EIF3H: variants seen among roughly 807,000 people sequenced by gnomAD.
EIF3H encodes eukaryotic translation initiation factor 3 subunit H.
A neutral mutation model predicts 44.2 loss-of-function variants in EIF3H; 26 were observed. That is an observed-to-expected ratio of 0.59 (90% confidence interval 0.43 to 0.82). The LOEUF is 0.82. Among genes scored for constraint, EIF3H ranks in the 40% least tolerant of loss-of-function variants. The pLI, the probability that EIF3H is intolerant of heterozygous loss-of-function variation, is 0.00. For missense variants in EIF3H, 359 were observed against 432.8 expected (o/e 0.83, Z 1.51); for synonymous variants, 166 against 151.9 (o/e 1.09, Z -0.68).
At chr8:116,653,107 T>C (rs1228459312) in intron 5 of EIF3H, among the ~76,000 whole-genome samples, 2 of 152,130 alleles carry the variant, frequency 1.3e-5, no homozygotes, top group East Asian at 1.9e-4. Flanking sequence ...TACTGCCATA[T>C]GCAGAGAAAA....
At chr8:116,721,808 C>T (rs1814751560) in intron 2 of EIF3H, among the ~76,000 whole-genome samples, 1 of 152,224 alleles carries the variant, frequency 6.6e-6, no homozygotes, top group African/African-American at 2.4e-5. Flanking sequence ...GGCTCATTCT[C>T]CCATTTGAAA....
intron 1 of EIF3H, among the ~76,000 whole-genome samples, chr8:116,743,794 ATATAAACACACACACACAC>A (rs1563659893): frequency 2.8e-4 from 26 of 91,760 alleles, no homozygotes; most frequent in African/African-American, 1.4e-3. Context: ...ATATATATAT[ATATAAACACACACACACAC>A]ACACACACAC....
At chr8:116,673,837 C>T (rs1002494145) in intron 2 of EIF3H, among the ~76,000 whole-genome samples, 3 of 151,902 alleles carry the variant, frequency 2.0e-5, no homozygotes, top group Admixed American at 1.3e-4. Context: ...TTTGGCAGGC[C>T]GAAGCGGGCG....
intron 1 of EIF3H, among the ~76,000 whole-genome samples, chr8:116,749,125 T>C (rs1815286658): frequency 6.6e-6 from 1 of 152,224 alleles, no homozygotes; most frequent in South Asian, 2.1e-4. Context: ...AAACAAAATT[T>C]AAAAGGTAAG....
intron 5 of EIF3H, among the ~76,000 whole-genome samples, chr8:116,649,908 T>G (rs1198473552): frequency 6.6e-6 from 1 of 152,112 alleles, no homozygotes; most frequent in Non-Finnish European, 1.5e-5. Flanking sequence ...CCAAAAATAT[T>G]GTAGGCAAAA....
At chr8:116,698,994 C>T (rs1348018469) in intron 2 of EIF3H, among the ~76,000 whole-genome samples, 2 of 152,032 alleles carry the variant, frequency 1.3e-5, no homozygotes, top group Non-Finnish European at 2.9e-5. Context: ...AAAAAAAATA[C>T]AAAAATTAGC....
At chr8:116,656,206 C>T (rs113816530) in intron 4 of EIF3H, among the ~76,000 whole-genome samples, 92 of 151,466 alleles carry the variant, frequency 6.1e-4, no homozygotes, top group Non-Finnish European at 1.0e-3. Flanking sequence ...GAAAATGATG[C>T]GAATTTGAGC....
chr8:116,649,709 T>C (rs184830510), intron 5 of EIF3H, among the ~76,000 whole-genome samples: 6 of 152,322 alleles, frequency 3.9e-5, no homozygotes, highest in Admixed American at 3.9e-4. Context: ...GTGCCAGCCT[T>C]AGTACTAGAA....
chr8:116,752,216 C>A (rs1274848957), intron 1 of EIF3H, among the ~76,000 whole-genome samples: 1 of 152,088 alleles, frequency 6.6e-6, no homozygotes, highest in Non-Finnish European at 1.5e-5. Flanking sequence ...AGAAAATGTA[C>A]CTTTGGAGTA....
rs561687186 is a variant in EIF3H at position 116,661,286 on chromosome 8, A to G, written c.290-2306T>C. On this transcript the variant is annotated intron_variant, in intron 2 of 7. Transcript: ENST00000521861. ...GGAAAGGGAAGAGGAGAGATTAAGCAACTGACAGAACGAGTAAGATTTTAA... is the reference window on the plus strand; with the variant it reads ...GGAAAGGGAAGAGGAGAGATTAAGCGACTGACAGAACGAGTAAGATTTTAA... 4.6e-5 allele frequency among the ~76,000 whole-genome samples: 7 copies of G among 152,386 alleles called. No individual in the cohort carries two copies. The South Asian group carries it at 1.4e-3, about 32-fold the overall frequency.
intron 1 of EIF3H, among the ~76,000 whole-genome samples, chr8:116,728,351 C>A (rs1182690033): frequency 1.3e-5 from 2 of 151,950 alleles, no homozygotes; most frequent in Non-Finnish European, 2.9e-5. Context: ...GGCTAAAGGT[C>A]ACACATCTAG....
At chr8:116,681,737 A>G (rs1813992946) in intron 2 of EIF3H, among the ~76,000 whole-genome samples, 1 of 152,142 alleles carries the variant, frequency 6.6e-6, no homozygotes, top group South Asian at 2.1e-4. Flanking sequence ...ATACCAACCT[A>G]ATAACTACTG....
At chr8:116,719,080 C>T (rs575654563) in intron 2 of EIF3H, among the ~76,000 whole-genome samples, 138 of 152,162 alleles carry the variant, frequency 9.1e-4, no homozygotes, top group African/African-American at 3.1e-3. Context: ...ATAGTACATT[C>T]GAGGCCAGGA....
At chr8:116,662,611 A>T (rs902356712) in intron 2 of EIF3H, among the ~76,000 whole-genome samples, 4 of 152,226 alleles carry the variant, frequency 2.6e-5, no homozygotes, top group African/African-American at 9.6e-5. Context: ...ATCTCCCTTC[A>T]CCCACAGTTT....
At chr8:116,707,777 T>C (rs562102319) in intron 2 of EIF3H, among the ~76,000 whole-genome samples, 1 of 152,262 alleles carries the variant, frequency 6.6e-6, no homozygotes, top group Non-Finnish European at 1.5e-5. Flanking sequence ...CCAGAATGAT[T>C]CACAACTACT....
At chr8:116,738,202 T>G (rs1323439537) in intron 1 of EIF3H, among the ~76,000 whole-genome samples, 2 of 152,190 alleles carry the variant, frequency 1.3e-5, no homozygotes, top group East Asian at 1.9e-4. Context: ...ATTTGCTATG[T>G]GGAGTTTCAC....
At chr8:116,762,866 C>T (rs1815532091) in intron 1 of EIF3H, among the ~76,000 whole-genome samples, 1 of 152,186 alleles carries the variant, frequency 6.6e-6, no homozygotes. Flanking sequence ...ATCGCTTGAA[C>T]CCAGGAGGTG....
intron 1 of EIF3H, among the ~76,000 whole-genome samples, chr8:116,754,560 G>A (rs1054421566): frequency 1.3e-5 from 2 of 152,188 alleles, no homozygotes; most frequent in East Asian, 1.9e-4. Flanking sequence ...TGTACTACAG[G>A]TCACCACATA....
chr8:116,752,803 A>G lies in EIF3H; in HGVS notation c.132+2863T>C, dbSNP rs186383994. On this transcript the variant is annotated intron_variant, in intron 1 of 7. Transcript: ENST00000521861. ...AGGGAGGGAGGGAGGGAGGGAAGGA[A>G]GGAAGGAAGGAAGGAAGGAAGGAAG... 3.6e-3 allele frequency among the ~76,000 whole-genome samples: 387 copies of G among 106,592 alleles called. 7 individuals are homozygous for G. The highest frequency in any genetic ancestry group is 0.018 in the East Asian group (31 of 1,762). 69.9% of individuals were successfully genotyped at this position (106,592 alleles called of 152,430 possible). A position where few individuals can be genotyped will look rare whatever the true frequency, so the allele number is the denominator to read the frequency against.
Sources: allele counts gnomAD v4.1 joint callset (sites outside exome capture counted in the v4.1 genomes callset), GRCh38; gene constraint gnomAD v4.1.1; transcripts MANE v1.5; gene names NCBI Gene and HGNC (gene_info 2026-07-23, HGNC 2026-07-21).